AK6: variants seen among roughly 807,000 people sequenced by gnomAD.
AK6 encodes the protein adenylate kinase isoenzyme 6.
In AK6, 24 loss-of-function variants were observed where a neutral mutation model predicts 23.7. The observed-to-expected ratio is 1.01, with a 90% CI of 0.73 to 1.43. AK6 has a LOEUF of 1.43. Among genes scored for constraint, AK6 ranks in the 40% most tolerant of loss-of-function variants. The probability of loss-of-function intolerance (pLI) is 0.00; values close to 1 mark genes in which losing one functional copy is unlikely to be tolerated. For synonymous variants in AK6, 73 were observed against 69.8 expected (o/e 1.05, Z -0.23); for missense variants, 191 against 199.1 (o/e 0.96, Z 0.24).
chr5:69,353,998 T>C lies in AK6; in HGVS notation c.326+1651A>G, dbSNP rs1179347763. ...GTTGCCCAGGCTGGTCTCAAACTCCTAGGCTCAAGCAATCACCTTGCCTCA... is the reference window on the plus strand; with the variant it reads ...GTTGCCCAGGCTGGTCTCAAACTCCCAGGCTCAAGCAATCACCTTGCCTCA... On this transcript the variant is annotated intron_variant, in intron 4 of 4. Coordinates refer to ENST00000380822, the MANE Select transcript of AK6 (RefSeq NM_016283.5). 2.0e-5 allele frequency among the ~76,000 whole-genome samples: 3 copies of C among 152,232 alleles called. No individual in the cohort carries two copies. In the East Asian group the frequency reaches 5.8e-4, roughly 29 times the overall value.
chr5:69,364,709 G>C (rs1458323423), intron 2 of AK6: 1 of 605,702 alleles, frequency 1.7e-6, no homozygotes, highest in Non-Finnish European at 2.9e-6. Flanking sequence ...GGAGAAAATT[G>C]CTTTTAAAAA....
chr5:69,362,509 T>G (rs1041795585), intron 2 of AK6, among the ~76,000 whole-genome samples: 1 of 152,192 alleles, frequency 6.6e-6, no homozygotes, highest in African/African-American at 2.4e-5. Flanking sequence ...CTCATCAGGC[T>G]GGGCACAATG....
chr5:69,356,042 GTA>G, intron 2 of AK6, 89 bp from the exon 3 acceptor site: 1 of 1,106,352 alleles, frequency 9.0e-7, no homozygotes. Flanking sequence ...GAAAGGAAAT[GTA>G]TCATCAATTA....
chr5:69,361,373 G>A (rs1054643934), intron 2 of AK6, among the ~76,000 whole-genome samples: 4 of 151,826 alleles, frequency 2.6e-5, no homozygotes, highest in East Asian at 3.9e-4. Context: ...TGCCCACCTC[G>A]GCTCCCCACA....
At chr5:69,354,125 C>G (rs1026923746) in intron 4 of AK6, among the ~76,000 whole-genome samples, 10 of 152,098 alleles carry the variant, frequency 6.6e-5, no homozygotes, top group African/African-American at 2.4e-4. Flanking sequence ...TTTTTACAAC[C>G]TTTTCGATAG....
intron 1 of AK6, among the ~76,000 whole-genome samples, chr5:69,367,214 T>G (rs1473806463): frequency 6.6e-6 from 1 of 151,904 alleles, no homozygotes; most frequent in Admixed American, 6.6e-5. Flanking sequence ...CTGCTGAGAA[T>G]AAAATTAGCC....
intron 1 of AK6, among the ~76,000 whole-genome samples, chr5:69,367,367 G>C (rs558036822): frequency 6.6e-6 from 1 of 151,508 alleles, no homozygotes; most frequent in East Asian, 2.0e-4. Context: ...AAAATTAGCC[G>C]GGCGTGGTGG....
intron 1 of AK6, 167 bp downstream of exon 1, chr5:69,369,296 C>T (rs1762731272): frequency 1.6e-6 from 1 of 638,902 alleles, no homozygotes; most frequent in Non-Finnish European, 2.4e-6. Context: ...CCTCGCCTCC[C>T]GCAACGCCCG....
intron 2 of AK6, 86 bp downstream of exon 2, chr5:69,366,417 C>T (rs1326998464): frequency 9.8e-6 from 10 of 1,020,360 alleles, no homozygotes; most frequent in Admixed American, 2.0e-5. Context: ...GTTTTTTGTA[C>T]CCTATGACAA....
upstream of AK6, chr5:69,369,716 T>A (rs764215466): frequency 1.2e-5 from 19 of 1,550,836 alleles, no homozygotes; most frequent in South Asian, 2.0e-4. Context: ...CTCGGGTCGG[T>A]ACTTCGGGTC....
chr5:69,366,622 T>A (rs1443854732), intron 1 of AK6, 27 bp from the exon 2 acceptor site: 1 of 1,534,800 alleles, frequency 6.5e-7, no homozygotes. Flanking sequence ...AGAAAAATAC[T>A]GTTTGTGAAA....
intron 2 of AK6, chr5:69,365,004 T>C (rs1429751268): frequency 6.2e-7 from 1 of 1,614,092 alleles, no homozygotes; most frequent in Non-Finnish European, 8.5e-7. Flanking sequence ...ACGTTTTCTT[T>C]TCAATGCATT....
chr5:69,359,876 C>A (rs187474308), intron 2 of AK6, among the ~76,000 whole-genome samples: 4 of 152,078 alleles, frequency 2.6e-5, no homozygotes, highest in Non-Finnish European at 5.9e-5. Context: ...GCTTTTTATG[C>A]GAAAAGAAAA....
At chr5:69,353,040 A>G (rs1452510923) in intron 4 of AK6, among the ~76,000 whole-genome samples, 3 of 152,268 alleles carry the variant, frequency 2.0e-5, no homozygotes, top group Non-Finnish European at 4.4e-5. Flanking sequence ...TGATACATCC[A>G]TACAATGGAA....
chr5:69,354,787 A>G (rs1762037465), intron 4 of AK6, among the ~76,000 whole-genome samples: 1 of 152,182 alleles, frequency 6.6e-6, no homozygotes, highest in Non-Finnish European at 1.5e-5. Flanking sequence ...CTGTTTTCCT[A>G]GCAAGGGTTT....
chr5:69,358,517 C>CAAAAAAAA (rs5868577), intron 2 of AK6, among the ~76,000 whole-genome samples: 12 of 54,164 alleles, frequency 2.2e-4, no homozygotes, highest in Non-Finnish European at 3.1e-4. Flanking sequence ...GACTCTGTCT[C>CAAAAAAAA]AAAAAAAAAA....
At chr5:69,352,347 C>T (rs767412795) in intron 4 of AK6, 94 bp from the exon 5 acceptor site, 88 of 952,770 alleles carry the variant, frequency 9.2e-5, no homozygotes, top group South Asian at 1.7e-4. Context: ...CTTTTCAATA[C>T]GTGAAAAATT....
At chr5:69,354,467 AC>A (rs907341207) in intron 4 of AK6, among the ~76,000 whole-genome samples, 9 of 152,140 alleles carry the variant, frequency 5.9e-5, no homozygotes, top group Admixed American at 5.9e-4. Context: ...ACACATTCTG[AC>A]CCCGACCTTA....
intron 2 of AK6, among the ~76,000 whole-genome samples, chr5:69,356,387 G>T (rs1220954938): frequency 3.0e-5 from 3 of 99,590 alleles, no homozygotes; most frequent in East Asian, 6.1e-4. Context: ...AGGCATGGTG[G>T]CTTTGCGCTT....
Sources: gnomAD v4.1 joint callset for allele counts (sites outside exome capture counted in the v4.1 genomes callset) on GRCh38, gnomAD v4.1.1 for gene constraint, MANE v1.5 for transcripts, NCBI Gene and HGNC (gene_info 2026-07-23, HGNC 2026-07-21) for gene names.